The following ETS1 variants were observed in gnomAD, a reference collection of about 807,000 sequenced individuals.
The protein encoded by ETS1 is protein C-ets-1.
ETS1 carries 15 observed loss-of-function variants against 58.6 expected under a neutral mutation model. The observed-to-expected ratio is 0.26, with a 90% CI of 0.17 to 0.39. ETS1 has a LOEUF of 0.39. ETS1 is among the 10% of genes least tolerant of loss of function. The pLI, the probability that ETS1 is intolerant of heterozygous loss-of-function variation, is 1.00. For missense variants in ETS1, 417 were observed against 610.5 expected (o/e 0.68, Z 3.34); for synonymous variants, 214 against 218.2 (o/e 0.98, Z 0.17).
At chr11:128,486,458 G>A (rs929377608) in intron 5 of ETS1, among the ~76,000 whole-genome samples, 9 of 152,180 alleles carry the variant, frequency 5.9e-5, no homozygotes, top group African/African-American at 1.9e-4. Flanking sequence ...TTCGTGCTGC[G>A]TGTATGTCGA....
At chr11:128,562,141 G>A (rs1009525254) in intron 2 of ETS1, among the ~76,000 whole-genome samples, 25 of 152,208 alleles carry the variant, frequency 1.6e-4, no homozygotes, top group African/African-American at 5.8e-4. Context: ...GGTGGCTCAC[G>A]CCTATAATCC....
chr11:128,532,205 G>A (rs1245473512), intron 3 of ETS1, among the ~76,000 whole-genome samples: 1 of 152,174 alleles, frequency 6.6e-6, no homozygotes, highest in South Asian at 2.1e-4. Context: ...TTGCCACCTG[G>A]AATTCAGAAA....
At chr11:128,536,822 T>C (rs1241752503) in intron 3 of ETS1, 2 of 152,266 alleles carry the variant, frequency 1.3e-5, no homozygotes, top group African/African-American at 2.4e-5. Context: ...TTAGCAGACA[T>C]TCATTTCATA....
rs1864670373 is a variant in ETS1 at position 128,573,075 on chromosome 11, C to CGAG, written c.53_55dup (p.Pro18dup). 1.2e-6 allele frequency: 2 copies of CGAG among 1,604,568 alleles called. No homozygotes were observed. Among genetic ancestry groups the CGAG allele is most frequent in the Non-Finnish European group, 1.7e-6 (2 of 1,175,712 alleles). On this transcript the variant is annotated inframe_insertion, in exon 2 of 10. Coordinates refer to ENST00000392668, the MANE Select transcript of ETS1 (RefSeq NM_001143820.2). ...GCCACCACTCACCACCACTGCAGGA[C>CGAG]GAGGCGCTGAGTAAGGGACGGGGCT...
At chr11:128,552,576 T>G (rs1215611387) in intron 3 of ETS1, among the ~76,000 whole-genome samples, 1 of 152,248 alleles carries the variant, frequency 6.6e-6, no homozygotes, top group Non-Finnish European at 1.5e-5. Flanking sequence ...AAATCCATCC[T>G]TGAAATGAAA....
At chr11:128,545,136 C>G (rs1864114853) in intron 3 of ETS1, among the ~76,000 whole-genome samples, 1 of 152,102 alleles carries the variant, frequency 6.6e-6, no homozygotes, top group Non-Finnish European at 1.5e-5. Context: ...TCTGGAGGAG[C>G]TTTGCAAATT....
chr11:128,542,428 C>A lies in ETS1; in HGVS notation c.214+13863G>T, dbSNP rs1016404183. ...AGAAGATTATTGGATTCCCTGGAAT[C>A]ACCAGGCTGACTCTTCTACTGGACT... is the stretch of plus-strand genomic sequence containing the variant. On this transcript the variant is annotated intron_variant, in intron 3 of 9. Coordinates refer to ENST00000392668, the MANE Select transcript of ETS1 (RefSeq NM_001143820.2). Among the ~76,000 whole-genome samples, 12 of 152,260 alleles carry A rather than the reference C, an allele frequency of 7.9e-5. No homozygotes were observed. In the East Asian group the frequency reaches 2.3e-3, roughly 29 times the overall value.
chr11:128,580,262 A>C (rs1864839608), intron 1 of ETS1, among the ~76,000 whole-genome samples: 1 of 151,754 alleles, frequency 6.6e-6, no homozygotes, highest in Admixed American at 6.6e-5. Context: ...AGAGTTAACT[A>C]CAAGCAAGAT....
At chr11:128,569,827 A>G (rs940300685) in intron 2 of ETS1, among the ~76,000 whole-genome samples, 8 of 152,222 alleles carry the variant, frequency 5.3e-5, no homozygotes, top group African/African-American at 1.9e-4. Context: ...AGAAGTTAGG[A>G]GTGAAAGTGC....
chr11:128,584,987 AAAGG>A lies in ETS1; in HGVS notation c.-15+2497_-15+2500del, dbSNP rs1555092907. ...GAAAGAAAGAAAGAAAGAAAGAAAG[AAAGG>A]AAGGAAGGAAGGAAAGAAAGGAAAG... On this transcript the variant is annotated intron_variant, in intron 1 of 9. Transcript: ENST00000392668. Among the ~76,000 whole-genome samples, 24 of 51,224 alleles carry A rather than the reference AAAGG, an allele frequency of 4.7e-4. 2 individuals carry two copies. The highest frequency in any genetic ancestry group is 2.1e-3 in the African/African-American group (20 of 9,546). The allele number at this position is 51,224 out of a possible 152,430, so 33.6% of individuals were successfully genotyped here.
At chr11:128,587,107 G>A (rs1419981882) in intron 1 of ETS1, among the ~76,000 whole-genome samples, 2 of 147,350 alleles carry the variant, frequency 1.4e-5, no homozygotes, top group African/African-American at 2.5e-5. Context: ...AGGAGTGAAA[G>A]AGAATAAAAA....
chr11:128,502,107 G>C (rs1425412524), intron 3 of ETS1, among the ~76,000 whole-genome samples: 1 of 152,200 alleles, frequency 6.6e-6, no homozygotes, highest in African/African-American at 2.4e-5. Flanking sequence ...CAAAGTCTTG[G>C]TCTATTTATA....
chr11:128,459,165 G>A lies in ETS1; in HGVS notation c.*3196C>T, dbSNP rs371486389. The A allele has an allele frequency of 2.7e-5, 4 of 149,964 alleles. No individual in the cohort carries two copies. In the South Asian group the frequency reaches 6.3e-4, roughly 24 times the overall value. The allele number at this position is 149,964 out of a possible 1,614,324, so 9.3% of individuals were successfully genotyped here. A position where few individuals can be genotyped will look rare whatever the true frequency, so the allele number is the denominator to read the frequency against. On this transcript the variant is annotated 3_prime_UTR_variant, in exon 10 of 10. Coordinates refer to ENST00000392668, the MANE Select transcript of ETS1 (RefSeq NM_001143820.2). ...TAAAAAAAAAAGTTCAATAACTGAG[G>A]CAGTATTCCTGATAATTTTATTTTA... is the stretch of plus-strand genomic sequence containing the variant.
At chr11:128,554,358 C>T (rs1864280930) in intron 3 of ETS1, among the ~76,000 whole-genome samples, 1 of 152,116 alleles carries the variant, frequency 6.6e-6, no homozygotes, top group African/African-American at 2.4e-5. Flanking sequence ...TTATATGCCC[C>T]AATCTTCTCA....
rs1864574645 is a variant in ETS1, at chr11:128,569,318, C to CTTCTTTTTTTTTTT, written c.69+3743_69+3744insAAAAAAAAAAAGAA. On this transcript the variant is annotated intron_variant, in intron 2 of 9. Coordinates refer to ENST00000392668, the MANE Select transcript of ETS1 (RefSeq NM_001143820.2). ...TACCATACATGGGACAGAGTTTCTT[C>CTTCTTTTTTTTTTT]TTTTTTTTTTTTTTTTTTTTTTTTG... Among the ~76,000 whole-genome samples the CTTCTTTTTTTTTTT allele has an allele frequency of 3.4e-3, 134 of 39,472 alleles. 2 individuals carry two copies. The highest frequency in any genetic ancestry group is 5.3e-3 in the Non-Finnish European group (120 of 22,448). 25.9% of individuals were successfully genotyped at this position (39,472 alleles called of 152,430 possible).
chr11:128,536,082 C>T (rs1863968806), intron 3 of ETS1, among the ~76,000 whole-genome samples: 1 of 152,170 alleles, frequency 6.6e-6, no homozygotes, highest in African/African-American at 2.4e-5. Flanking sequence ...CCACAGTGTG[C>T]CTCCATTCTC....
chr11:128,515,199 A>T (rs140685212), intron 3 of ETS1, among the ~76,000 whole-genome samples: 25 of 152,192 alleles, frequency 1.6e-4, no homozygotes, highest in African/African-American at 5.8e-4. Context: ...AATTGTCTTC[A>T]CTTGTGTAAT....
At position 128,480,567 on chromosome 11, in the gene ETS1, C is replaced by T. The variant is rs1025925576; in HGVS notation, c.863-116G>A. On this transcript the variant is annotated intron_variant, in intron 7 of 9. Transcript: ENST00000392668. ...TTGCTAATCAGATCTGCAGGAAGGA[C>T]GGAAGAAGGGAGAGGCGAGTGGGAA... The T allele has an allele frequency of 1.5e-5, 11 of 716,512 alleles. No homozygotes were observed. The highest frequency in any genetic ancestry group is 3.9e-4 in the Middle Eastern group (1 of 2,566). The allele number at this position is 716,512 out of a possible 1,614,324, so 44.4% of individuals were successfully genotyped here. A position where few individuals can be genotyped will look rare whatever the true frequency, so the allele number is the denominator to read the frequency against.
intron 3 of ETS1, among the ~76,000 whole-genome samples, chr11:128,501,788 T>C (rs1422111953): frequency 6.6e-6 from 1 of 152,216 alleles, no homozygotes; most frequent in Non-Finnish European, 1.5e-5. Context: ...ATCTTTGTCT[T>C]GACCACAAAT....
Sources: allele counts gnomAD v4.1 joint callset (sites outside exome capture counted in the v4.1 genomes callset), GRCh38; gene constraint gnomAD v4.1.1; transcripts MANE v1.5; gene names NCBI Gene and HGNC (gene_info 2026-07-23, HGNC 2026-07-21).